Variants in SYPL2 observed in about 807,000 individuals in gnomAD.
The protein encoded by SYPL2 is synaptophysin like 2, also known as synaptophysin-like protein 2.
A neutral mutation model predicts 31.3 loss-of-function variants in SYPL2; 24 were observed. The observed-to-expected ratio is 0.77, with a 90% CI of 0.56 to 1.08. The LOEUF (loss-of-function observed/expected upper bound fraction) is 1.08, where lower values mean the gene tolerates loss of function less well. Among genes scored for constraint, SYPL2 ranks in the 50% least tolerant of loss-of-function variants. The pLI is 0.00. For missense variants in SYPL2, 342 were observed against 360.1 expected, an observed-to-expected ratio of 0.95 and a Z score of 0.41; for synonymous variants, 144 against 143.1, an observed-to-expected ratio of 1.01 and a Z score of -0.05.
At chr1:109,476,665 C>G in intron 3 of SYPL2, 111 bp from the exon 4 acceptor site, 2 of 1,101,998 alleles carry the variant, frequency 1.8e-6, no homozygotes, top group Non-Finnish European at 2.6e-6. Context: ...TTACATGACC[C>G]CTTTCTTGGC....
intron 2 of SYPL2, 131 bp downstream of exon 2, chr1:109,467,264 C>A: frequency 1.2e-5 from 2 of 165,974 alleles, no homozygotes; most frequent in South Asian, 6.5e-5. Flanking sequence ...GGGGCGGCGA[C>A]AGGTGGGCGG....
rs757664531 is a variant in SYPL2 at position 109,478,089 on chromosome 1, A to C, written c.648+80A>C. On this transcript the variant is annotated intron_variant, in intron 5 of 5. Coordinates refer to ENST00000369872, the MANE Select transcript of SYPL2 (RefSeq NM_001040709.2). The surrounding 1 kb of genome is among the most constrained non-coding windows in gnomAD (Gnocchi z 4.0). Reference sequence around the variant, plus strand: ...CCCAGCTAGCAGGTCCTGAAAGGAAAGAGAGGGTGTCCCAGAGCTGGTGTC... The same window carrying C: ...CCCAGCTAGCAGGTCCTGAAAGGAACGAGAGGGTGTCCCAGAGCTGGTGTC... 2 of 1,551,918 alleles carry C rather than the reference A, an allele frequency of 1.3e-6. No individual in the cohort carries two copies. The highest frequency in any genetic ancestry group is 4.7e-5 in the East Asian group (2 of 42,224).
intron 2 of SYPL2, among the ~76,000 whole-genome samples, chr1:109,470,629 A>G (rs1655803942): frequency 6.6e-6 from 1 of 152,108 alleles, no homozygotes; most frequent in African/African-American, 2.4e-5. Flanking sequence ...CTTTATAACC[A>G]GTTTGCTCAT....
chr1:109,470,000 A>G (rs1655778245), intron 2 of SYPL2, among the ~76,000 whole-genome samples: 1 of 150,332 alleles, frequency 6.7e-6, no homozygotes, highest in Non-Finnish European at 1.5e-5. Flanking sequence ...TTTTTCAGAC[A>G]GGCTCTAAGA....
At chr1:109,472,030 A>T (rs891776574) in intron 2 of SYPL2, among the ~76,000 whole-genome samples, 4 of 152,030 alleles carry the variant, frequency 2.6e-5, no homozygotes, top group Non-Finnish European at 4.4e-5. Context: ...TTTAATTCTG[A>T]TTAACTTAAA....
rs1282061411 is a variant in SYPL2, at chr1:109,478,680, A to G, written c.648+671A>G. 1.3e-5 allele frequency among the ~76,000 whole-genome samples: 2 copies of G among 152,172 alleles called. No individual in the cohort carries two copies. The highest frequency in any genetic ancestry group is 6.5e-5 in the Admixed American group (1 of 15,278). ...TCTGGAACTTGCTGGAACCCTGCTT[A>G]TGGTTCCCCCCCAAAAAAATTTTAT... is the stretch of plus-strand genomic sequence containing the variant. On this transcript the variant is annotated intron_variant, in intron 5 of 5. Transcript: ENST00000369872. This position sits in a 1 kb window ranked among gnomAD's most constrained non-coding sequence, Gnocchi z 4.0.
chr1:109,472,605 C>CTT lies in SYPL2; in HGVS notation c.130-2954_130-2953dup, dbSNP rs59224604. On this transcript the variant is annotated intron_variant, in intron 2 of 5. Transcript: ENST00000369872. The stretch of plus-strand genomic sequence containing the variant: ...TGAGTACCTACTTTCTTTTTCTTTA[C>CTT]TTTTTTTTTTTTTTTTTTTTTTTGA... Among the ~76,000 whole-genome samples the CTT allele has an allele frequency of 1.9e-3, 136 of 71,058 alleles. 1 individual carries two copies. Among genetic ancestry groups the CTT allele is most frequent in the African/African-American group, 6.0e-3 (98 of 16,446 alleles). The allele number at this position is 71,058 out of a possible 152,430, so 46.6% of individuals were successfully genotyped here.
rs1656167161 is a variant in SYPL2 at position 109,481,770 on chromosome 1, C to T, written c.*2222C>T. The T allele has an allele frequency of 6.6e-6, 1 of 152,264 alleles. No homozygotes were observed. Among genetic ancestry groups the T allele is most frequent in the Non-Finnish European group, 1.5e-5 (1 of 68,072 alleles). 9.4% of individuals were successfully genotyped at this position (152,264 alleles called of 1,614,324 possible). On this transcript the variant is annotated 3_prime_UTR_variant, in exon 6 of 6. Transcript: ENST00000369872. ...GCCACCCTAAGAGGAAAGGCTACTT[C>T]ACCTCATTACCTCCAGAGGGCTGGG...
intron 1 of SYPL2, 61 bp from the exon 2 acceptor site, chr1:109,466,998 G>T: frequency 6.5e-7 from 1 of 1,535,090 alleles, no homozygotes; most frequent in South Asian, 1.2e-5. Context: ...GGGGCAAGGG[G>T]ACCAGCGCCT....
At chr1:109,468,602 G>A (rs1357777416) in intron 2 of SYPL2, among the ~76,000 whole-genome samples, 3 of 152,118 alleles carry the variant, frequency 2.0e-5, no homozygotes, top group Non-Finnish European at 4.4e-5. Context: ...CTGAGTGACT[G>A]GCATCCAGAA....
intron 5 of SYPL2, 78 bp from the exon 6 acceptor site, chr1:109,479,300 C>A (rs1656094170): frequency 3.3e-6 from 5 of 1,525,684 alleles, no homozygotes; most frequent in African/African-American, 1.4e-5. Context: ...CCAACCCCAA[C>A]TGCAATAGGA....
In SYPL2 at chr1:109,481,524, G is replaced by A. The variant is rs1656160988; in HGVS notation, c.*1976G>A. 1 of 152,324 alleles carries A rather than the reference G, an allele frequency of 6.6e-6. No homozygotes were observed. The highest frequency in any genetic ancestry group is 2.4e-5 in the African/African-American group (1 of 41,336). 9.4% of individuals were successfully genotyped at this position (152,324 alleles called of 1,614,324 possible). A position where few individuals can be genotyped will look rare whatever the true frequency, so the allele number is the denominator to read the frequency against. ...ATTTATAATTTATTTGAAATGTGCT[G>A]GGTAGTGTTCTCATTTGGGGGCTGA... On this transcript the variant is annotated 3_prime_UTR_variant, in exon 6 of 6. Coordinates refer to ENST00000369872, the MANE Select transcript of SYPL2 (RefSeq NM_001040709.2).
Position 109,479,655 on chromosome 1 carries a change from C to G in SYPL2, c.*107C>G. 1 of 1,502,300 alleles carries G rather than the reference C, an allele frequency of 6.7e-7. No individual in the cohort carries two copies. Among genetic ancestry groups the G allele is most frequent in the Non-Finnish European group, 8.9e-7 (1 of 1,119,864 alleles). 93.1% of individuals were successfully genotyped at this position (1,502,300 alleles called of 1,614,324 possible). ...CCTCCAATTCCCCTCCCCCATCATT[C>G]TGGTCTTTGAGCTTTGAGACGATGG... is the stretch of plus-strand genomic sequence containing the variant. On this transcript the variant is annotated 3_prime_UTR_variant, in exon 6 of 6. Transcript: ENST00000369872.
At chr1:109,472,605 CTTTTTTT>C (rs59224604) in intron 2 of SYPL2, among the ~76,000 whole-genome samples, 27 of 71,078 alleles carry the variant, frequency 3.8e-4, no homozygotes, top group Non-Finnish European at 5.2e-4. Flanking sequence ...TTTTTCTTTA[CTTTTTTT>C]TTTTTTTTTT....
At position 109,476,782 on chromosome 1, in the gene SYPL2, C is replaced by T. The variant is rs753126289; in HGVS notation, c.261C>T (p.His87=). 3 of 1,614,030 alleles carry T rather than the reference C, an allele frequency of 1.9e-6. No homozygotes were observed. The highest frequency in any genetic ancestry group is 1.1e-5 in the South Asian group (1 of 91,056). The change falls in exon 4 of 6, where the codon CAC becomes CAT. Residue 87 remains histidine, a synonymous_variant. Coordinates refer to ENST00000369872, the MANE Select transcript of SYPL2 (RefSeq NM_001040709.2). ...IVAFGYPFRL[H]RIQYEMPLCD... ...CCTCCCCTGCCACCTGCAGGTTGCA[C>T]CGGATCCAATATGAGATGCCCCTCT...
Position 109,478,075 on chromosome 1 carries a change from G to A in SYPL2, c.648+66G>A. 1.3e-6 allele frequency: 2 copies of A among 1,575,720 alleles called. No homozygotes were observed. Among genetic ancestry groups the A allele is most frequent in the Non-Finnish European group, 8.6e-7 (1 of 1,161,640 alleles). ...CTGCCCAGGCCTGTCCCAGCTAGCA[G>A]GTCCTGAAAGGAAAGAGAGGGTGTC... On this transcript the variant is annotated intron_variant, in intron 5 of 5. Transcript: ENST00000369872. This position sits in a 1 kb window ranked among gnomAD's most constrained non-coding sequence, Gnocchi z 4.0.
Position 109,476,864 on chromosome 1 carries a change from G to A in SYPL2, c.343G>A (p.Ala115Thr), listed in dbSNP as rs750587012. The A allele has an allele frequency of 1.2e-5, 19 of 1,614,042 alleles. 1 individual carries two copies. In the East Asian group the frequency reaches 2.2e-4, roughly 19 times the overall value. ...MHLMGDFSAP[A>T]EFFVTLGIFS... The stretch of plus-strand genomic sequence containing the variant: ...CCTCATGGGGGACTTCTCTGCACCC[G>A]CCGAGTTCTTCGTGACCCTTGGCAT... Residue 115 changes from alanine to threonine, a missense_variant, in exon 4 of 6, where the codon GCC becomes ACC. Coordinates refer to ENST00000369872, the MANE Select transcript of SYPL2 (RefSeq NM_001040709.2).
chr1:109,466,960 T>C, intron 1 of SYPL2, 63 bp downstream of exon 1: 1 of 1,534,680 alleles, frequency 6.5e-7, no homozygotes, highest in Non-Finnish European at 8.7e-7. Context: ...GGCTGCACAC[T>C]TATCCCACCC....
At chr1:109,470,974 A>G (rs756309673) in intron 2 of SYPL2, among the ~76,000 whole-genome samples, 1 of 152,126 alleles carries the variant, frequency 6.6e-6, no homozygotes, top group Non-Finnish European at 1.5e-5. Flanking sequence ...CAAGAGCAGG[A>G]GATAGGTGTT....
Sources: allele counts gnomAD v4.1 joint callset (sites outside exome capture counted in the v4.1 genomes callset), GRCh38; gene constraint gnomAD v4.1.1; non-coding constraint Gnocchi (gnomAD v3.1); transcripts MANE v1.5; gene names NCBI Gene and HGNC (gene_info 2026-07-23, HGNC 2026-07-21).